The following CNTN4 variants were observed in gnomAD, a reference collection of about 807,000 sequenced individuals.
The protein encoded by CNTN4 is contactin-4.
Under a neutral mutation model 122.5 loss-of-function variants are expected in CNTN4, and 77 were observed. The observed-to-expected ratio is 0.63, with a 90% CI of 0.52 to 0.76. The LOEUF (loss-of-function observed/expected upper bound fraction) is 0.76. Among genes scored for constraint, CNTN4 ranks in the 30% least tolerant of loss-of-function variants. The pLI is 0.00. For synonymous variants in CNTN4, 512 were observed against 447.0 expected (o/e 1.15, Z -1.83); for missense variants, 1,256 against 1,259.1 (o/e 1.00, Z 0.04).
rs553639412 is a variant in CNTN4 at position 2,942,112 on chromosome 3, G to A, written c.1358+16333G>A. 5.3e-5 allele frequency among the ~76,000 whole-genome samples: 8 copies of A among 152,296 alleles called. No homozygotes were observed. In the South Asian group the frequency reaches 1.4e-3, roughly 28 times the overall value. On this transcript the variant is annotated intron_variant, in intron 13 of 24. Coordinates refer to ENST00000418658, the MANE Select transcript of CNTN4 (RefSeq NM_175607.3). ...GGTTCCGTTCACCACTATTTATCCA[G>A]CACTAGCCCTGGAATACAACTTAGG... is the stretch of plus-strand genomic sequence containing the variant.
intron 14 of CNTN4, among the ~76,000 whole-genome samples, chr3:3,004,902 A>C (rs1467928642): frequency 6.6e-6 from 1 of 152,192 alleles, no homozygotes; most frequent in Admixed American, 6.5e-5. Flanking sequence ...GGGTGGCTCT[A>C]TCCCCATGCC....
At chr3:2,903,715 T>A (rs2094199904) in intron 12 of CNTN4, among the ~76,000 whole-genome samples, 1 of 152,230 alleles carries the variant, frequency 6.6e-6, no homozygotes, top group Admixed American at 6.5e-5. Context: ...TACCTCTCCT[T>A]TATGAAAGAT....
chr3:2,170,275 G>C (rs186631504), intron 2 of CNTN4, among the ~76,000 whole-genome samples: 11 of 151,448 alleles, frequency 7.3e-5, no homozygotes, highest in East Asian at 1.9e-4. Flanking sequence ...AGCCGAGATC[G>C]CGCCACCGCA....
chr3:2,523,926 G>T (rs1204910028), intron 3 of CNTN4, among the ~76,000 whole-genome samples: 1 of 152,042 alleles, frequency 6.6e-6, no homozygotes, highest in Non-Finnish European at 1.5e-5. Flanking sequence ...TTATTGAAAA[G>T]ATTGGAAAAC....
intron 2 of CNTN4, among the ~76,000 whole-genome samples, chr3:2,120,422 T>A (rs1401389460): frequency 3.7e-4 from 44 of 118,126 alleles, no homozygotes; most frequent in African/African-American, 1.3e-3. Context: ...TTTTTTTTTT[T>A]ATGCAGAGTC....
intron 14 of CNTN4, among the ~76,000 whole-genome samples, chr3:3,016,109 T>C (rs1697733499): frequency 6.6e-6 from 1 of 152,164 alleles, no homozygotes; most frequent in Non-Finnish European, 1.5e-5. Context: ...ATATCTGTGG[T>C]TCCCATTTAT....
intron 7 of CNTN4, among the ~76,000 whole-genome samples, chr3:2,833,034 T>C (rs907880115): frequency 6.6e-6 from 1 of 152,122 alleles, no homozygotes; most frequent in Non-Finnish European, 1.5e-5. Flanking sequence ...TACTTGGTGA[T>C]CGAGAAGGAG....
chr3:2,811,452 A>ATTTTATTAT (rs779076784), intron 6 of CNTN4, among the ~76,000 whole-genome samples: 1 of 146,418 alleles, frequency 6.8e-6, no homozygotes, highest in Non-Finnish European at 1.5e-5. Flanking sequence ...TTTTTATTTT[A>ATTTTATTAT]TTATTTATTT....
At chr3:2,395,340 C>G (rs1288197944) in intron 3 of CNTN4, among the ~76,000 whole-genome samples, 1 of 152,036 alleles carries the variant, frequency 6.6e-6, no homozygotes, top group Non-Finnish European at 1.5e-5. Context: ...GTAAGCCATT[C>G]TTTTGGGGGC....
chr3:2,903,066 G>A, intron 12 of CNTN4, 61 bp downstream of exon 12: 1 of 1,537,108 alleles, frequency 6.5e-7, no homozygotes, highest in Non-Finnish European at 8.9e-7. Flanking sequence ...AAACTAACTT[G>A]TTCTTTGCCA....
At position 2,117,427 on chromosome 3, in the gene CNTN4, C is replaced by A. The variant is rs149132956; in HGVS notation, c.-145+16788C>A. Among the ~76,000 whole-genome samples the A allele has an allele frequency of 1.6e-4, 25 of 152,282 alleles. No homozygotes were observed. The East Asian group carries it at 4.7e-3, about 28-fold the overall frequency. ...TCTGGAAGTGCATCTGAACGCTGTC[C>A]TTCTGCATTTTTCTGGGAGCTTCAT... On this transcript the variant is annotated intron_variant, in intron 2 of 24. Coordinates refer to ENST00000418658, the MANE Select transcript of CNTN4 (RefSeq NM_175607.3).
chr3:2,728,981 A>G (rs1056766243), intron 4 of CNTN4, among the ~76,000 whole-genome samples: 6 of 152,230 alleles, frequency 3.9e-5, no homozygotes, highest in Non-Finnish European at 8.8e-5. Flanking sequence ...AAGGGCTTAA[A>G]CAAGTTTCAG....
intron 3 of CNTN4, among the ~76,000 whole-genome samples, chr3:2,438,153 C>G (rs975983003): frequency 5.9e-5 from 9 of 152,148 alleles, no homozygotes; most frequent in African/African-American, 1.9e-4. Context: ...TCCCTTTCGC[C>G]CTTTATTTCT....
intron 3 of CNTN4, among the ~76,000 whole-genome samples, chr3:2,381,621 C>T (rs1276197396): frequency 6.6e-6 from 1 of 152,122 alleles, no homozygotes; most frequent in Non-Finnish European, 1.5e-5. Context: ...CCTTCTAAGT[C>T]TGTAGGTTAA....
At chr3:2,628,534 A>G (rs2082295552) in intron 4 of CNTN4, among the ~76,000 whole-genome samples, 1 of 152,218 alleles carries the variant, frequency 6.6e-6, no homozygotes, top group Non-Finnish European at 1.5e-5. Flanking sequence ...CTAAGTGACT[A>G]CTGAGAGAAG....
chr3:2,759,115 G>A (rs2090470688), intron 6 of CNTN4, among the ~76,000 whole-genome samples: 1 of 152,074 alleles, frequency 6.6e-6, no homozygotes, highest in Admixed American at 6.6e-5. Context: ...AGTTATGTTA[G>A]CAAGGTTCAT....
At chr3:2,228,251 GC>G (rs969715245) in intron 2 of CNTN4, among the ~76,000 whole-genome samples, 15 of 151,590 alleles carry the variant, frequency 9.9e-5, no homozygotes, top group Non-Finnish European at 1.6e-4. Context: ...TTTTTGTGTT[GC>G]CCCCAACCTA....
At chr3:2,282,188 G>A (rs2041741036) in intron 2 of CNTN4, among the ~76,000 whole-genome samples, 1 of 152,072 alleles carries the variant, frequency 6.6e-6, no homozygotes, top group Non-Finnish European at 1.5e-5. Flanking sequence ...CAATTTTCAA[G>A]TAATTGGCGT....
At chr3:2,314,570 A>G (rs940699778) in intron 2 of CNTN4, among the ~76,000 whole-genome samples, 19 of 151,920 alleles carry the variant, frequency 1.3e-4, no homozygotes, top group African/African-American at 4.6e-4. Flanking sequence ...CAGATTTATT[A>G]AGGAATAAAT....
Sources: allele counts gnomAD v4.1 joint callset (sites outside exome capture counted in the v4.1 genomes callset), GRCh38; gene constraint gnomAD v4.1.1; transcripts MANE v1.5; gene names NCBI Gene and HGNC (gene_info 2026-07-23, HGNC 2026-07-21).